NRXN3: variants seen among roughly 807,000 people sequenced by gnomAD.
NRXN3 encodes neurexin III.
A neutral mutation model predicts 137.6 loss-of-function variants in NRXN3; 32 were observed. That is an observed-to-expected ratio of 0.23 (90% confidence interval 0.18 to 0.31). The LOEUF (loss-of-function observed/expected upper bound fraction) is 0.31, where lower values mean the gene tolerates loss of function less well. Ranked by LOEUF, NRXN3 falls within the 10% of genes least tolerant of loss-of-function variation. The pLI is 1.00. For missense variants in NRXN3, 1,574 were observed against 2,062.5 expected, an observed-to-expected ratio of 0.76 and a Z score of 4.59; for synonymous variants, 798 against 784.5, an observed-to-expected ratio of 1.02 and a Z score of -0.29.
At chr14:78,658,498 G>T (rs1357036087) in intron 6 of NRXN3, among the ~76,000 whole-genome samples, 1 of 152,174 alleles carries the variant, frequency 6.6e-6, no homozygotes, top group African/African-American at 2.4e-5. Flanking sequence ...ACCACTTACT[G>T]CTCTTCACCA....
chr14:78,534,386 A>G (rs534503018), intron 4 of NRXN3, among the ~76,000 whole-genome samples: 3 of 152,246 alleles, frequency 2.0e-5, no homozygotes, highest in Admixed American at 1.3e-4. Flanking sequence ...TGAGGGCCAC[A>G]CTGAATTTTT....
intron 15 of NRXN3, among the ~76,000 whole-genome samples, chr14:79,026,185 A>G (rs1321201901): frequency 6.6e-6 from 1 of 152,192 alleles, no homozygotes; most frequent in Non-Finnish European, 1.5e-5. Context: ...AGCTTAATGA[A>G]TAGATTTTTA....
intron 15 of NRXN3, among the ~76,000 whole-genome samples, chr14:79,443,653 A>G (rs1267616086): frequency 6.6e-6 from 1 of 152,244 alleles, no homozygotes; most frequent in Non-Finnish European, 1.5e-5. Context: ...GAAGCATTTA[A>G]GATTATTTAA....
chr14:79,044,825 G>GTTTTTTTTT (rs5809914), intron 15 of NRXN3, among the ~76,000 whole-genome samples: 2 of 139,620 alleles, frequency 1.4e-5, no homozygotes, highest in African/African-American at 2.6e-5. Context: ...AGCACCTCTA[G>GTTTTTTTTT]TTTTTTTTTT....
chr14:78,907,164 A>G lies in NRXN3; in HGVS notation c.2276-50078A>G, dbSNP rs139589366. Among the ~76,000 whole-genome samples the G allele has an allele frequency of 1.6e-4, 24 of 152,176 alleles. No individual in the cohort carries two copies. In the East Asian group the frequency reaches 4.5e-3, roughly 28 times the overall value. On this transcript the variant is annotated intron_variant, in intron 10 of 20. Transcript: ENST00000335750. ...ATTTACTATTGAAATTGGATTGCAT[A>G]TTAAATTTTGGATTTAGTTTTCTTA...
chr14:78,451,479 G>T (rs2094549615), intron 4 of NRXN3, among the ~76,000 whole-genome samples: 1 of 152,208 alleles, frequency 6.6e-6, no homozygotes, highest in African/African-American at 2.4e-5. Context: ...TTTCATGACA[G>T]ATTGAAATTA....
chr14:78,851,407 C>G (rs1333240059), intron 10 of NRXN3, among the ~76,000 whole-genome samples: 1 of 152,222 alleles, frequency 6.6e-6, no homozygotes, highest in Admixed American at 6.5e-5. Flanking sequence ...TGGGACAGCA[C>G]TGCCTGAGTG....
chr14:78,775,049 C>G (rs977522009), intron 8 of NRXN3, among the ~76,000 whole-genome samples: 13 of 152,178 alleles, frequency 8.5e-5, no homozygotes, highest in African/African-American at 2.9e-4. Flanking sequence ...TTAATATTAT[C>G]AGTAGATTTA....
chr14:79,844,327 A>G (rs2099362489), intron 20 of NRXN3, among the ~76,000 whole-genome samples: 1 of 150,288 alleles, frequency 6.7e-6, no homozygotes, highest in Non-Finnish European at 1.5e-5. Flanking sequence ...CATGAATCAC[A>G]AATGTTCTTA....
chr14:78,632,876 A>G (rs1160812042), intron 4 of NRXN3, among the ~76,000 whole-genome samples: 1 of 152,182 alleles, frequency 6.6e-6, no homozygotes, highest in African/African-American at 2.4e-5. Flanking sequence ...CAGGTTCAAT[A>G]AATGTTAATT....
chr14:79,181,107 G>A (rs557651214), intron 15 of NRXN3, among the ~76,000 whole-genome samples: 3 of 151,492 alleles, frequency 2.0e-5, no homozygotes, highest in African/African-American at 7.3e-5. Context: ...GGCATGAAGT[G>A]CCAAACTATT....
At position 78,243,906 on chromosome 14, in the gene NRXN3, T is replaced by G. The variant is rs2067316621; in HGVS notation, c.709+104T>G. The G allele has an allele frequency of 6.0e-6, 5 of 838,298 alleles. No individual in the cohort carries two copies. The highest frequency in any genetic ancestry group is 9.2e-6 in the Non-Finnish European group (5 of 540,798). The allele number at this position is 838,298 out of a possible 1,614,324, so 51.9% of individuals were successfully genotyped here. A position where few individuals can be genotyped will look rare whatever the true frequency, so the allele number is the denominator to read the frequency against. The stretch of plus-strand genomic sequence containing the variant: ...ATATGGATGCATATCTTTAGCTGCA[T>G]GTTAGATCACTGGGCCCCTTGCCCT... On this transcript the variant is annotated intron_variant, in intron 2 of 20. Coordinates refer to ENST00000335750, the MANE Select transcript of NRXN3 (RefSeq NM_001330195.2). The surrounding 1 kb of genome is among the most constrained non-coding windows in gnomAD (Gnocchi z 4.2).
At chr14:79,071,648 A>T (rs1295314734) in intron 15 of NRXN3, among the ~76,000 whole-genome samples, 2 of 152,160 alleles carry the variant, frequency 1.3e-5, no homozygotes, top group Non-Finnish European at 2.9e-5. Flanking sequence ...AGAGAGTAGA[A>T]GGATGGTTAC....
chr14:79,260,968 C>A (rs2077496992), intron 15 of NRXN3, among the ~76,000 whole-genome samples: 1 of 152,150 alleles, frequency 6.6e-6, no homozygotes, highest in Non-Finnish European at 1.5e-5. Flanking sequence ...GCTACCCAAA[C>A]ACCTACTTGC....
rs1226144804 is a variant in NRXN3, at chr14:79,642,799, G to A, written c.3445-20979G>A. On this transcript the variant is annotated intron_variant, in intron 16 of 20. Transcript: ENST00000335750. ...ATAGTAACTATATTCTCAAGAAGAT[G>A]AGATTAGTTTGATGTGACTATTCTT... Among the ~76,000 whole-genome samples the A allele has an allele frequency of 2.9e-5, 4 of 135,748 alleles. 1 individual carries two copies. The highest frequency in any genetic ancestry group is 5.1e-5 in the Non-Finnish European group (3 of 58,354). 89.1% of individuals were successfully genotyped at this position (135,748 alleles called of 152,430 possible).
chr14:78,270,746 C>T (rs1426659985), intron 2 of NRXN3, among the ~76,000 whole-genome samples: 1 of 152,190 alleles, frequency 6.6e-6, no homozygotes, highest in African/African-American at 2.4e-5. Flanking sequence ...TTCACTTAAT[C>T]CTCACAATAG....
intron 15 of NRXN3, among the ~76,000 whole-genome samples, chr14:79,030,691 T>C (rs2152490128): frequency 6.6e-6 from 1 of 150,770 alleles, no homozygotes; most frequent in Non-Finnish European, 1.5e-5. Context: ...TACTTTTTAT[T>C]TTTTCTTTCC....
chr14:78,933,890 A>G (rs1029526845), intron 10 of NRXN3, among the ~76,000 whole-genome samples: 1 of 152,020 alleles, frequency 6.6e-6, no homozygotes, highest in Non-Finnish European at 1.5e-5. Flanking sequence ...CTAACTGAAA[A>G]TATGTATGCC....
intron 16 of NRXN3, among the ~76,000 whole-genome samples, chr14:79,490,105 A>G (rs2096701662): frequency 1.3e-5 from 2 of 152,024 alleles, no homozygotes; most frequent in Admixed American, 1.3e-4. Context: ...TGAGGTACAA[A>G]CTCAATTCAA....
Sources: gnomAD v4.1 joint callset for allele counts (sites outside exome capture counted in the v4.1 genomes callset) on GRCh38, gnomAD v4.1.1 for gene constraint, Gnocchi (gnomAD v3.1) non-coding constraint, MANE v1.5 for transcripts, NCBI Gene and HGNC (gene_info 2026-07-23, HGNC 2026-07-21) for gene names.